CMIP: variants seen among roughly 807,000 people sequenced by gnomAD.
CMIP encodes the protein c-Maf inducing protein.
In CMIP, 13 loss-of-function variants were observed where a neutral mutation model predicts 97.3. That is an observed-to-expected ratio of 0.13 (90% CI 0.09 to 0.21). The LOEUF is 0.21. Ranked by LOEUF, CMIP falls within the 10% of genes least tolerant of loss-of-function variation. The probability of loss-of-function intolerance (pLI) is 1.00; values close to 1 mark genes in which losing one functional copy is unlikely to be tolerated. For synonymous variants in CMIP, 538 were observed against 436.3 expected (o/e 1.23, Z -2.91); for missense variants, 847 against 1,024.9 (o/e 0.83, Z 2.37).
intron 1 of CMIP, among the ~76,000 whole-genome samples, chr16:81,456,289 C>T (rs1305097302): frequency 2.0e-5 from 3 of 152,158 alleles, no homozygotes; most frequent in Non-Finnish European, 2.9e-5. Flanking sequence ...GACCTTTAGG[C>T]GTGTGCGCAT....
At chr16:81,679,914 C>A (rs999006957) in intron 10 of CMIP, among the ~76,000 whole-genome samples, 3 of 152,160 alleles carry the variant, frequency 2.0e-5, no homozygotes, top group African/African-American at 7.2e-5. Context: ...TTCCACAGAC[C>A]AGCTCAGGTC....
intron 1 of CMIP, among the ~76,000 whole-genome samples, chr16:81,559,263 G>C (rs1392328846): frequency 6.6e-6 from 1 of 152,210 alleles, no homozygotes; most frequent in East Asian, 1.9e-4. Context: ...GGGTAAGAGT[G>C]ACCCCCAAGA....
intron 9 of CMIP, among the ~76,000 whole-genome samples, chr16:81,676,193 G>A (rs943956525): frequency 2.6e-5 from 4 of 152,182 alleles, no homozygotes; most frequent in Admixed American, 6.5e-5. Flanking sequence ...GCTCAGCTGT[G>A]TTGAGCCCCC....
chr16:81,476,494 T>A, intron 1 of CMIP: 1 of 725,736 alleles, frequency 1.4e-6, no homozygotes, highest in Non-Finnish European at 2.5e-6. Context: ...GACAGCGATG[T>A]CAGAGAACAC....
At chr16:81,486,929 C>T (rs2089323220) in intron 1 of CMIP, among the ~76,000 whole-genome samples, 2 of 152,288 alleles carry the variant, frequency 1.3e-5, no homozygotes, top group Admixed American at 1.3e-4. Flanking sequence ...TACTCCCCGG[C>T]CTCCTGGGGT....
At position 81,678,323 on chromosome 16, in the gene CMIP, G is replaced by A. The variant is rs773336876; in HGVS notation, c.1083G>A (p.Gln361=). The change falls in exon 10 of 21, where the codon CAG becomes CAA. Residue 361 remains glutamine, a synonymous_variant. Coordinates refer to ENST00000537098, the MANE Select transcript of CMIP (RefSeq NM_198390.3). ...SLKEIRNGCQ[Q]PCDRKPTLPL... is the part of the protein sequence containing the mutation. ...AGGAAATCCGGAACGGCTGCCAGCA[G>A]CCGTGCGACCGGAAGCCCACTTTAC... The A allele has an allele frequency of 9.3e-6, 15 of 1,610,106 alleles. No homozygotes were observed. The Admixed American group carries it at 2.0e-4, about 22-fold the overall frequency.
intron 1 of CMIP, among the ~76,000 whole-genome samples, chr16:81,449,532 C>T (rs1255650369): frequency 6.6e-6 from 1 of 152,190 alleles, no homozygotes; most frequent in Admixed American, 6.5e-5. Context: ...GTCACAGATC[C>T]CACGAGAACT....
chr16:81,692,116 C>T (rs774625124), intron 11 of CMIP, among the ~76,000 whole-genome samples: 23 of 152,212 alleles, frequency 1.5e-4, no homozygotes, highest in Non-Finnish European at 1.9e-4. Context: ...AGAATGCAAA[C>T]AGAGCCCTCC....
intron 1 of CMIP, among the ~76,000 whole-genome samples, chr16:81,551,437 C>T (rs1011374955): frequency 1.3e-5 from 2 of 152,208 alleles, no homozygotes; most frequent in Admixed American, 6.5e-5. Context: ...CAGCCACAGA[C>T]ATGGCACATG....
intron 1 of CMIP, among the ~76,000 whole-genome samples, chr16:81,561,740 A>T (rs2090887749): frequency 6.6e-6 from 1 of 152,230 alleles, no homozygotes; most frequent in Non-Finnish European, 1.5e-5. Context: ...CTAAACCTCC[A>T]GTCTAGTAGC....
chr16:81,554,395 C>T (rs577967013), intron 1 of CMIP, among the ~76,000 whole-genome samples: 1 of 152,286 alleles, frequency 6.6e-6, no homozygotes, highest in Non-Finnish European at 1.5e-5. Context: ...GCAGGAGATT[C>T]CTGTAGCATC....
At chr16:81,492,952 C>T (rs1054785423) in intron 1 of CMIP, among the ~76,000 whole-genome samples, 1 of 152,002 alleles carries the variant, frequency 6.6e-6, no homozygotes, top group South Asian at 2.1e-4. Flanking sequence ...GGCCCGTGAG[C>T]GAGAAGATGC....
At chr16:81,477,483 A>G (rs774887958) in intron 1 of CMIP, among the ~76,000 whole-genome samples, 2 of 152,198 alleles carry the variant, frequency 1.3e-5, no homozygotes, top group Non-Finnish European at 2.9e-5. Context: ...GGGTAGATAC[A>G]GGGCAGGGTA....
rs188167027 is a variant in CMIP, at chr16:81,484,807, G to A, written c.300+39266G>A. On this transcript the variant is annotated intron_variant, in intron 1 of 20. Coordinates refer to ENST00000537098, the MANE Select transcript of CMIP (RefSeq NM_198390.3). ...CTCTACCTTTGATCTTTGCCTGCCC[G>A]GGTGTCCTCATTCATTTAACTCTTG... 4.8e-3 allele frequency among the ~76,000 whole-genome samples: 737 copies of A among 152,172 alleles called. 3 individuals are homozygous for A. The highest frequency in any genetic ancestry group is 5.8e-3 in the Non-Finnish European group (397 of 67,988).
intron 3 of CMIP, among the ~76,000 whole-genome samples, chr16:81,626,543 GTGTGCA>G (rs1171723328): frequency 6.8e-6 from 1 of 147,860 alleles, no homozygotes; most frequent in Non-Finnish European, 1.5e-5. Flanking sequence ...GTGACTATGG[GTGTGCA>G]TGTGTGTGTG....
At chr16:81,472,290 C>A (rs1035381769) in intron 1 of CMIP, among the ~76,000 whole-genome samples, 12 of 152,206 alleles carry the variant, frequency 7.9e-5, no homozygotes, top group Non-Finnish European at 4.4e-5. Context: ...GAATTGTGGT[C>A]AGGATTCCAT....
At chr16:81,596,720 C>G (rs980453548) in intron 1 of CMIP, among the ~76,000 whole-genome samples, 1 of 152,140 alleles carries the variant, frequency 6.6e-6, no homozygotes, top group African/African-American at 2.4e-5. Context: ...AGGATCAACA[C>G]CATGTCCTGG....
At chr16:81,645,602 A>T in intron 3 of CMIP, 1 of 1,535,940 alleles carries the variant, frequency 6.5e-7, no homozygotes, top group Non-Finnish European at 8.7e-7. Context: ...TGCCCAGGTA[A>T]CGTCCCTTCC....
intron 1 of CMIP, among the ~76,000 whole-genome samples, chr16:81,555,407 A>G (rs2090741797): frequency 1.3e-5 from 2 of 152,196 alleles, no homozygotes; most frequent in African/African-American, 4.8e-5. Flanking sequence ...TGGGCAAAAC[A>G]GACAGAAGAA....
Sources: allele counts gnomAD v4.1 joint callset (sites outside exome capture counted in the v4.1 genomes callset), GRCh38; gene constraint gnomAD v4.1.1; transcripts MANE v1.5; gene names NCBI Gene and HGNC (gene_info 2026-07-23, HGNC 2026-07-21).